RYR3: variants seen among roughly 807,000 people sequenced by gnomAD.
RYR3 encodes ryanodine receptor 3.
In RYR3, 207 loss-of-function variants were observed where a neutral mutation model predicts 584.3. The ratio of observed to expected loss-of-function variants is 0.35; its 90% CI spans 0.32 to 0.40. RYR3 has a LOEUF of 0.40. Ranked by LOEUF, RYR3 falls within the 10% of genes least tolerant of loss-of-function variation. The pLI, the probability that RYR3 is intolerant of heterozygous loss-of-function variation, is 1.00. For missense variants in RYR3, 5,616 were observed against 6,089.2 expected, an observed-to-expected ratio of 0.92 and a Z score of 2.59; for synonymous variants, 2,416 against 2,248.5, an observed-to-expected ratio of 1.07 and a Z score of -2.11.
chr15:33,551,798 T>C (rs2056696590), intron 10 of RYR3, among the ~76,000 whole-genome samples: 1 of 152,190 alleles, frequency 6.6e-6, no homozygotes, highest in Non-Finnish European at 1.5e-5. Context: ...AATTCAAATT[T>C]ATATCTATTT....
intron 2 of RYR3, among the ~76,000 whole-genome samples, chr15:33,501,396 A>G (rs943729328): frequency 6.6e-6 from 1 of 152,184 alleles, no homozygotes; most frequent in African/African-American, 2.4e-5. Context: ...ATTTGGAGCT[A>G]TGAGGGTTTC....
chr15:33,857,564 C>G (rs2079824706), intron 98 of RYR3, among the ~76,000 whole-genome samples: 2 of 152,156 alleles, frequency 1.3e-5, no homozygotes, highest in South Asian at 2.1e-4. Flanking sequence ...CATCATTACT[C>G]TTTTCTGCCA....
rs555919374 is a variant in RYR3, at chr15:33,402,463, C to T, written c.52-70956C>T. On this transcript the variant is annotated intron_variant, in intron 1 of 103. Coordinates refer to ENST00000634891, the MANE Select transcript of RYR3 (RefSeq NM_001036.6). ...TATCAAATATGGGAAAAGCATGAATCAGGTGCTTGTTGTTTCTGTCACACT... is the reference window on the plus strand; with the variant it reads ...TATCAAATATGGGAAAAGCATGAATTAGGTGCTTGTTGTTTCTGTCACACT... Among the ~76,000 whole-genome samples the T allele has an allele frequency of 4.6e-5, 7 of 152,340 alleles. No homozygotes were observed. The South Asian group carries it at 6.2e-4, about 14-fold the overall frequency.
At chr15:33,818,784 C>A (rs772559324) in intron 76 of RYR3, 100 bp downstream of exon 76, 111 of 837,708 alleles carry the variant, frequency 1.3e-4, no homozygotes, top group Non-Finnish European at 2.0e-4. Context: ...AAAAGGGAAG[C>A]TAGATTTGAG....
intron 8 of RYR3, 138 bp from the exon 9 acceptor site, chr15:33,547,992 T>C (rs995763502): frequency 9.1e-6 from 6 of 655,746 alleles, no homozygotes; most frequent in Admixed American, 8.5e-5. Flanking sequence ...TTCCCTCTTA[T>C]TCTGGCTTTG....
intron 2 of RYR3, among the ~76,000 whole-genome samples, chr15:33,487,987 G>C (rs79827262): frequency 0.02 from 3,067 of 152,294 alleles, 94 homozygotes; most frequent in African/African-American, 0.069. Flanking sequence ...TAGAAGTCAA[G>C]TGCAACACAT....
At chr15:33,655,885 T>G (rs2062799372) in intron 32 of RYR3, among the ~76,000 whole-genome samples, 1 of 152,140 alleles carries the variant, frequency 6.6e-6, no homozygotes, top group Non-Finnish European at 1.5e-5. Flanking sequence ...CCAGCAATAT[T>G]TATACACTGG....
chr15:33,691,389 C>G (rs1417510862), intron 38 of RYR3, among the ~76,000 whole-genome samples: 2 of 152,176 alleles, frequency 1.3e-5, no homozygotes, highest in Non-Finnish European at 2.9e-5. Flanking sequence ...TCTTTAAGTA[C>G]TGGGAAGCTG....
At chr15:33,513,653 G>A (rs1447018557) in intron 3 of RYR3, among the ~76,000 whole-genome samples, 1 of 152,144 alleles carries the variant, frequency 6.6e-6, no homozygotes, top group South Asian at 2.1e-4. Flanking sequence ...GGTGGGAGAT[G>A]GGGAAAGTGC....
At chr15:33,619,245 AT>A (rs1327807881) in intron 19 of RYR3, among the ~76,000 whole-genome samples, 1 of 152,208 alleles carries the variant, frequency 6.6e-6, no homozygotes, top group African/African-American at 2.4e-5. Flanking sequence ...AATGAATTTG[AT>A]TTTTTAAATC....
intron 1 of RYR3, among the ~76,000 whole-genome samples, chr15:33,369,039 C>G (rs1975932598): frequency 6.6e-6 from 1 of 152,186 alleles, no homozygotes; most frequent in African/African-American, 2.4e-5. Context: ...ACTCTCTGCT[C>G]AATCGTGACA....
intron 1 of RYR3, among the ~76,000 whole-genome samples, chr15:33,376,084 C>A (rs190670211): frequency 5.3e-5 from 8 of 152,112 alleles, no homozygotes; most frequent in African/African-American, 1.7e-4. Flanking sequence ...AGATATAGAA[C>A]ATTTCTGTAA....
At chr15:33,447,741 A>C (rs1336777991) in intron 1 of RYR3, among the ~76,000 whole-genome samples, 1 of 152,222 alleles carries the variant, frequency 6.6e-6, no homozygotes. Flanking sequence ...GCCACACATG[A>C]CTAGTGGCCA....
At chr15:33,627,049 G>A (rs1210700971) in intron 20 of RYR3, among the ~76,000 whole-genome samples, 2 of 152,082 alleles carry the variant, frequency 1.3e-5, no homozygotes, top group African/African-American at 4.8e-5. Context: ...CTGGACTCTA[G>A]AATAGTAGAT....
intron 38 of RYR3, among the ~76,000 whole-genome samples, chr15:33,695,694 G>T (rs943958965): frequency 6.6e-6 from 1 of 151,788 alleles, no homozygotes; most frequent in Admixed American, 6.6e-5. Context: ...TCATAATTGG[G>T]ATATTCTTTT....
intron 102 of RYR3, among the ~76,000 whole-genome samples, chr15:33,863,373 T>C (rs1225083839): frequency 6.6e-6 from 1 of 152,222 alleles, no homozygotes; most frequent in African/African-American, 2.4e-5. Context: ...CCTGACGCTC[T>C]ATACACTATA....
chr15:33,823,664 C>T (rs1167591194), intron 81 of RYR3, among the ~76,000 whole-genome samples: 1 of 152,122 alleles, frequency 6.6e-6, no homozygotes, highest in Non-Finnish European at 1.5e-5. Flanking sequence ...TAAGCCACCC[C>T]TCATGGCTGA....
rs571725499 is a variant in RYR3 at position 33,656,430 on chromosome 15, C to G, written c.4309-3290C>G. On this transcript the variant is annotated intron_variant, in intron 32 of 103. Transcript: ENST00000634891. ...AACAGTACCTGGCATCTAGTGAATG[C>G]TCACCGAGTATGTGTTGCCAGACTG... Among the ~76,000 whole-genome samples the G allele has an allele frequency of 7.9e-5, 12 of 152,350 alleles. No individual in the cohort carries two copies. The South Asian group carries it at 2.5e-3, about 32-fold the overall frequency.
At chr15:33,654,483 T>G (rs1185032813) in intron 32 of RYR3, among the ~76,000 whole-genome samples, 1 of 150,482 alleles carries the variant, frequency 6.6e-6, no homozygotes, top group Admixed American at 6.7e-5. Flanking sequence ...TGTACCCTAC[T>G]CTGAGTGACT....
Sources: allele counts gnomAD v4.1 joint callset (sites outside exome capture counted in the v4.1 genomes callset), GRCh38; gene constraint gnomAD v4.1.1; transcripts MANE v1.5; gene names NCBI Gene and HGNC (gene_info 2026-07-23, HGNC 2026-07-21).